NQO1: variants seen among roughly 807,000 people sequenced by gnomAD.
NQO1 encodes the protein NAD(P)H dehydrogenase [quinone] 1.
A neutral mutation model predicts 32.1 loss-of-function variants in NQO1; 30 were observed. That is an observed-to-expected ratio of 0.94 (90% confidence interval 0.70 to 1.27). NQO1 has a LOEUF of 1.27. Ranked by LOEUF, NQO1 falls within the 50% of genes most tolerant of loss-of-function variation. The pLI is 0.00. For synonymous variants in NQO1, 109 were observed against 119.7 expected, an observed-to-expected ratio of 0.91 and a Z score of 0.59; for missense variants, 276 against 331.3, an observed-to-expected ratio of 0.83 and a Z score of 1.30.
chr16:69,716,222 CA>C (rs1248964861), intron 3 of NQO1, among the ~76,000 whole-genome samples: 1 of 148,404 alleles, frequency 6.7e-6, no homozygotes, highest in Non-Finnish European at 1.5e-5. Context: ...TGGCTAGGTG[CA>C]GTTGCTCATG....
At chr16:69,726,283 C>T (rs1001197910) in intron 1 of NQO1, 150 bp downstream of exon 1, 2 of 1,054,722 alleles carry the variant, frequency 1.9e-6, no homozygotes, top group Non-Finnish European at 1.3e-6. Flanking sequence ...TCCCGGAGTC[C>T]GATCAAGGCT....
At chr16:69,723,072 C>T (rs944975684) in intron 1 of NQO1, among the ~76,000 whole-genome samples, 2 of 152,150 alleles carry the variant, frequency 1.3e-5, no homozygotes, top group African/African-American at 4.8e-5. Flanking sequence ...GGATTACAGG[C>T]GCTCGCCGCC....
At chr16:69,724,091 A>T (rs1379211518) in intron 1 of NQO1, among the ~76,000 whole-genome samples, 1 of 151,680 alleles carries the variant, frequency 6.6e-6, no homozygotes, top group Non-Finnish European at 1.5e-5. Flanking sequence ...AGGCGGGTGG[A>T]TTACTTGAGG....
intron 1 of NQO1, among the ~76,000 whole-genome samples, chr16:69,723,772 A>C (rs2038224757): frequency 1.3e-5 from 2 of 152,176 alleles, no homozygotes; most frequent in South Asian, 4.1e-4. Context: ...ATTGCACTCC[A>C]GCCTGCGCAA....
At position 69,718,670 on chromosome 16, in the gene NQO1, C is replaced by A; in HGVS notation, c.8-136G>T. On this transcript the variant is annotated intron_variant, in intron 1 of 5. Transcript: ENST00000320623. Reference sequence around the variant, plus strand: ...GGTTATTGCATTCCATCTCCTGTAGCCAGAAATGTATTTTCCCCTTAAAAG... The same window carrying A: ...GGTTATTGCATTCCATCTCCTGTAGACAGAAATGTATTTTCCCCTTAAAAG... 4 of 761,618 alleles carry A rather than the reference C, an allele frequency of 5.3e-6. No individual in the cohort carries two copies. The East Asian group carries it at 7.9e-5, about 15-fold the overall frequency. 47.2% of individuals were successfully genotyped at this position (761,618 alleles called of 1,614,324 possible). A position where few individuals can be genotyped will look rare whatever the true frequency, so the allele number is the denominator to read the frequency against.
chr16:69,722,114 G>A (rs2038200026), intron 1 of NQO1, among the ~76,000 whole-genome samples: 1 of 149,118 alleles, frequency 6.7e-6, no homozygotes, highest in African/African-American at 2.5e-5. Flanking sequence ...ACCCTACCAT[G>A]AACAGTGGGT....
At chr16:69,717,245 G>A (rs183371871) in intron 3 of NQO1, among the ~76,000 whole-genome samples, 5 of 152,098 alleles carry the variant, frequency 3.3e-5, no homozygotes, top group Admixed American at 2.6e-4. Context: ...GATCACTGAC[G>A]AGATGCACGC....
intron 1 of NQO1, among the ~76,000 whole-genome samples, chr16:69,718,964 G>T (rs1004312298): frequency 5.9e-5 from 9 of 152,152 alleles, no homozygotes; most frequent in East Asian, 1.9e-4. Context: ...GAACTCGGGA[G>T]GGGGAGGTTG....
At chr16:69,719,955 A>T (rs936237074) in intron 1 of NQO1, among the ~76,000 whole-genome samples, 3 of 151,884 alleles carry the variant, frequency 2.0e-5, no homozygotes, top group Non-Finnish European at 2.9e-5. Context: ...ATAAAAAAAA[A>T]TTTTTAGAGA....
At position 69,713,027 on chromosome 16, in the gene NQO1, C is replaced by T. The variant is rs141820737; in HGVS notation, c.519+1G>A. On this transcript the variant is annotated splice_donor_variant, in intron 5 of 5. Transcript: ENST00000320623. LOFTEE classifies it high-confidence loss of function. ...AAAGAAAAGAAAAGAAAATGAGGTA[C>T]CTGAATTGGCCAGAGAATGACATTC... 2.5e-6 allele frequency: 4 copies of T among 1,611,158 alleles called. No individual in the cohort carries two copies. The South Asian group carries it at 4.4e-5, about 18-fold the overall frequency.
intron 3 of NQO1, among the ~76,000 whole-genome samples, chr16:69,715,483 G>T (rs974368933): frequency 1.3e-5 from 2 of 152,096 alleles, no homozygotes; most frequent in African/African-American, 2.4e-5. Flanking sequence ...CAATATGACT[G>T]TTGGCCAGGC....
At position 69,718,256 on chromosome 16, in the gene NQO1, G is replaced by C. The variant is rs899648870; in HGVS notation, c.173-3C>G. On this transcript the variant is annotated splice_polypyrimidine_tract_variant and splice_region_variant and intron_variant, in intron 2 of 5. Transcript: ENST00000320623. ...GTTCGCAGGGTCCTTCAGTTTACCT[G>C]CAGAGAAGAAAAAGAGAGGCTGGGG... 1 of 1,613,806 alleles carries C rather than the reference G, an allele frequency of 6.2e-7. No individual in the cohort carries two copies. The highest frequency in any genetic ancestry group is 1.7e-5 in the Admixed American group (1 of 59,944).
intron 1 of NQO1, among the ~76,000 whole-genome samples, chr16:69,721,370 G>C (rs180935770): frequency 6.6e-6 from 1 of 152,140 alleles, no homozygotes; most frequent in Non-Finnish European, 1.5e-5. Context: ...CGCCCAGCAC[G>C]GGGCTCACCT....
At chr16:69,713,210 G>A in intron 4 of NQO1, 81 bp from the exon 5 acceptor site, 1 of 1,027,050 alleles carries the variant, frequency 9.7e-7, no homozygotes, top group South Asian at 1.3e-5. Context: ...CAGCTCCAGG[G>A]AAAAGAACAC....
Position 69,726,492 on chromosome 16 carries a change from G to T in NQO1, c.-53C>A, listed in dbSNP as rs1383956999. On this transcript the variant is annotated 5_prime_UTR_variant, in exon 1 of 6. Transcript: ENST00000320623. Reference sequence around the variant, plus strand: ...TGGCTGGGCTCGTGGTTGCCGGGGCGACCCTGGCCGGAACTAGGCTCTCGG... The same window carrying T: ...TGGCTGGGCTCGTGGTTGCCGGGGCTACCCTGGCCGGAACTAGGCTCTCGG... 1.9e-6 allele frequency: 3 copies of T among 1,598,260 alleles called. No individual in the cohort carries two copies. The African/African-American group carries it at 4.0e-5, about 21-fold the overall frequency.
chr16:69,711,343 A>G, intron 5 of NQO1, 62 bp from the exon 6 acceptor site: 1 of 1,457,334 alleles, frequency 6.9e-7, no homozygotes, highest in Non-Finnish European at 9.3e-7. Flanking sequence ...TACTATAAAC[A>G]ACAGAAGTTG....
Position 69,710,546 on chromosome 16 carries a change from T to TTA in NQO1, c.*429_*430insTA, listed in dbSNP as rs2038024893. 6.0e-6 allele frequency: 1 copy of TTA among 167,796 alleles called. No individual in the cohort carries two copies. The highest frequency in any genetic ancestry group is 2.4e-5 in the African/African-American group (1 of 41,608). 10.4% of individuals were successfully genotyped at this position (167,796 alleles called of 1,614,324 possible). ...ATGGCTAACTACCAAACAAGTTAAG[T>TTA]CCCTTAGGGCAGGTAGATTCAGTCT... On this transcript the variant is annotated 3_prime_UTR_variant, in exon 6 of 6. Transcript: ENST00000320623.
At chr16:69,711,648 CTTTT>C (rs945039180) in intron 5 of NQO1, among the ~76,000 whole-genome samples, 3 of 147,856 alleles carry the variant, frequency 2.0e-5, no homozygotes, top group Non-Finnish European at 3.0e-5. Flanking sequence ...TCCTTTTTTT[CTTTT>C]TCTTTTTTTT....
intron 4 of NQO1, 113 bp downstream of exon 4, chr16:69,714,851 C>G (rs2038091675): frequency 1.3e-6 from 1 of 741,512 alleles, no homozygotes; most frequent in African/African-American, 1.8e-5. Flanking sequence ...TGCACTCCAG[C>G]CTGGGCAACA....
Sources: allele counts gnomAD v4.1 joint callset (sites outside exome capture counted in the v4.1 genomes callset), GRCh38; gene constraint gnomAD v4.1.1; transcripts MANE v1.5; gene names NCBI Gene and HGNC (gene_info 2026-07-23, HGNC 2026-07-21).